Variants in GABRR3 observed in about 807,000 individuals in gnomAD.
GABRR3 encodes the protein gamma-aminobutyric acid type A receptor subunit rho3, also known as gamma-aminobutyric acid receptor subunit rho-3.
Under a neutral mutation model 43.2 loss-of-function variants are expected in GABRR3, and 29 were observed. The observed-to-expected ratio is 0.67, with a 90% CI of 0.50 to 0.92. The LOEUF is 0.92. GABRR3 is among the 40% of genes least tolerant of loss of function. The probability of loss-of-function intolerance (pLI) is 0.00; values close to 1 mark genes in which losing one functional copy is unlikely to be tolerated. For synonymous variants in GABRR3, 206 were observed against 195.9 expected (o/e 1.05, Z -0.43); for missense variants, 576 against 572.3 (o/e 1.01, Z -0.07).
chr3:98,035,080 C>G lies in GABRR3; in HGVS notation c.-2-91G>C, dbSNP rs146859387. 5.7e-5 allele frequency: 83 copies of G among 1,448,502 alleles called. 2 individuals are homozygous for G. Among genetic ancestry groups the G allele is most frequent in the Non-Finnish European group, 7.5e-5 (81 of 1,074,000 alleles). The allele number at this position is 1,448,502 out of a possible 1,614,324, so 89.7% of individuals were successfully genotyped here. ...CTTCATGTGTCTTTTAAAAAACAAA[C>G]AGCATGTCAGGGGAAATGCATTAGG... On this transcript the variant is annotated intron_variant, in intron 1 of 9. Transcript: ENST00000621172.
intron 6 of GABRR3, 95 bp downstream of exon 6, chr3:98,008,861 T>A: frequency 1.8e-6 from 1 of 552,562 alleles, no homozygotes; most frequent in Non-Finnish European, 3.0e-6. Context: ...TATCAGTATT[T>A]TAAAATGTTT....
chr3:97,986,800 T>C, exon 10 of GABRR3: 1 of 1,611,862 alleles, frequency 6.2e-7, no homozygotes, highest in Non-Finnish European at 8.5e-7. Flanking sequence ...CAACATGTCC[T>C]CCTAGGGATT....
At chr3:98,001,460 A>T in intron 8 of GABRR3, 155 bp downstream of exon 8, 1 of 741,044 alleles carries the variant, frequency 1.3e-6, no homozygotes, top group Non-Finnish European at 2.2e-6. Context: ...TTTGCCCTTG[A>T]GGATGTCAAG....
intron 3 of GABRR3, among the ~76,000 whole-genome samples, chr3:98,022,779 C>T (rs1055831281): frequency 3.3e-5 from 5 of 152,108 alleles, no homozygotes; most frequent in Non-Finnish European, 7.4e-5. Context: ...GATGATTTGC[C>T]GCCTGCCACT....
intron 7 of GABRR3, 182 bp downstream of exon 7, chr3:98,007,582 G>T: frequency 6.0e-6 from 1 of 167,448 alleles, no homozygotes; most frequent in Non-Finnish European, 1.2e-5. Flanking sequence ...AGAGGTGGCT[G>T]CATGAGTGGG....
intron 7 of GABRR3, among the ~76,000 whole-genome samples, chr3:98,006,448 G>C (rs56320928): frequency 0.011 from 1,658 of 152,300 alleles, 28 homozygotes; most frequent in African/African-American, 0.038. Context: ...TAGATAAATA[G>C]CTGTTGTTCC....
intron 7 of GABRR3, among the ~76,000 whole-genome samples, chr3:98,003,068 A>C (rs1156666409): frequency 6.6e-6 from 1 of 152,148 alleles, no homozygotes. Context: ...AATACCAAAC[A>C]ATTTTATTAC....
exon 9 of GABRR3, chr3:97,992,943 G>A: frequency 6.2e-7 from 1 of 1,613,686 alleles, no homozygotes; most frequent in Non-Finnish European, 8.5e-7. Context: ...CACAAAGAGG[G>A]AGCTGACCCA....
At chr3:98,029,151 T>C (rs1335480461) in intron 2 of GABRR3, among the ~76,000 whole-genome samples, 1 of 152,174 alleles carries the variant, frequency 6.6e-6, no homozygotes, top group East Asian at 1.9e-4. Context: ...TCTCAATTCG[T>C]GGGAGAGCCT....
chr3:98,004,343 T>C (rs778405489), intron 7 of GABRR3, among the ~76,000 whole-genome samples: 40 of 152,162 alleles, frequency 2.6e-4, no homozygotes, highest in Admixed American at 5.9e-4. Flanking sequence ...GAGAGTATTA[T>C]GAAACCCATT....
At chr3:98,010,056 T>G (rs760213084) in intron 5 of GABRR3, among the ~76,000 whole-genome samples, 4 of 152,204 alleles carry the variant, frequency 2.6e-5, no homozygotes, top group Non-Finnish European at 5.9e-5. Context: ...TGCTGTTGGC[T>G]GGAAGAGCTG....
chr3:98,003,577 G>A (rs112000050), intron 7 of GABRR3, among the ~76,000 whole-genome samples: 1,855 of 152,018 alleles, frequency 0.012, 48 homozygotes, highest in African/African-American at 0.042. Flanking sequence ...GCCTTGGAAC[G>A]TTGTGAAGCC....
exon 10 of GABRR3, chr3:97,986,868 T>C (rs895111983): frequency 6.2e-7 from 1 of 1,612,042 alleles, no homozygotes; most frequent in African/African-American, 1.3e-5. Flanking sequence ...TTTCTTCTCA[T>C]GAAGTCTTCT....
At chr3:97,986,033 T>G (rs779878516), downstream of GABRR3, among the ~76,000 whole-genome samples, 40 of 152,046 alleles carry the variant, frequency 2.6e-4, no homozygotes, top group Non-Finnish European at 5.4e-4. Flanking sequence ...TGCCCGCTAA[T>G]TTTTGTACGT....
At chr3:98,034,308 G>C (rs1385585132) in intron 2 of GABRR3, among the ~76,000 whole-genome samples, 1 of 152,020 alleles carries the variant, frequency 6.6e-6, no homozygotes, top group African/African-American at 2.4e-5. Context: ...TCCCTTACTA[G>C]CACGTCCAAA....
chr3:98,031,069 T>C (rs772877861), intron 2 of GABRR3, among the ~76,000 whole-genome samples: 1 of 152,200 alleles, frequency 6.6e-6, no homozygotes. Flanking sequence ...GTGAATCTTA[T>C]GGCTCTGATT....
At chr3:97,997,436 CTATT>C (rs1233191049) in intron 8 of GABRR3, 11 of 151,924 alleles carry the variant, frequency 7.2e-5, no homozygotes, top group African/African-American at 2.7e-4. Context: ...AATTTAAAAG[CTATT>C]TATTTATATT....
At chr3:98,007,941 A>C in intron 6 of GABRR3, 37 bp from the exon 7 acceptor site, 2 of 1,493,904 alleles carry the variant, frequency 1.3e-6, no homozygotes, top group Middle Eastern at 3.6e-4. Flanking sequence ...AAGTGTAATA[A>C]GCTCTTGTAA....
intron 2 of GABRR3, among the ~76,000 whole-genome samples, chr3:98,030,416 G>C (rs1443473771): frequency 6.6e-6 from 1 of 151,988 alleles, no homozygotes; most frequent in Non-Finnish European, 1.5e-5. Flanking sequence ...ATACCATTAT[G>C]GTGTCTATGA....
Sources: allele counts gnomAD v4.1 joint callset (sites outside exome capture counted in the v4.1 genomes callset), GRCh38; gene constraint gnomAD v4.1.1; transcripts MANE v1.5; gene names NCBI Gene and HGNC (gene_info 2026-07-23, HGNC 2026-07-21).